LARP1B: variants seen among roughly 807,000 people sequenced by gnomAD.
LARP1B encodes the protein la-related protein 1B.
Under a neutral mutation model 114.2 loss-of-function variants are expected in LARP1B, and 76 were observed. That is an observed-to-expected ratio of 0.67 (90% CI 0.55 to 0.81). The LOEUF (loss-of-function observed/expected upper bound fraction) is 0.81. Among genes scored for constraint, LARP1B ranks in the 30% least tolerant of loss-of-function variants. The probability of loss-of-function intolerance (pLI) is 0.00; values close to 1 mark genes in which losing one functional copy is unlikely to be tolerated. For missense variants in LARP1B, 1,014 were observed against 1,075.8 expected, an observed-to-expected ratio of 0.94 and a Z score of 0.80; for synonymous variants, 345 against 348.0, an observed-to-expected ratio of 0.99 and a Z score of 0.10.
chr4:128,132,989 G>T (rs537822650), intron 11 of LARP1B, among the ~76,000 whole-genome samples: 3 of 151,990 alleles, frequency 2.0e-5, no homozygotes, highest in East Asian at 1.9e-4. Context: ...TAGATTCCTC[G>T]CATTTGCAGT....
At chr4:128,112,313 C>T (rs1029101737) in intron 9 of LARP1B, among the ~76,000 whole-genome samples, 1 of 151,630 alleles carries the variant, frequency 6.6e-6, no homozygotes, top group Non-Finnish European at 1.5e-5. Flanking sequence ...GTTATATGCT[C>T]AGTGTAAAAA....
intron 11 of LARP1B, among the ~76,000 whole-genome samples, chr4:128,135,360 G>A (rs1793036068): frequency 3.9e-5 from 6 of 152,040 alleles, no homozygotes; most frequent in Admixed American, 3.9e-4. Flanking sequence ...AATACAGGAT[G>A]GCAGTTTCTC....
chr4:128,121,231 T>G (rs1410760439), intron 10 of LARP1B, among the ~76,000 whole-genome samples: 1 of 152,256 alleles, frequency 6.6e-6, no homozygotes, highest in Non-Finnish European at 1.5e-5. Flanking sequence ...TTATTATCAT[T>G]GTGAGGTAAA....
At chr4:128,073,935 C>T (rs550779801) in intron 1 of LARP1B, among the ~76,000 whole-genome samples, 7 of 150,666 alleles carry the variant, frequency 4.6e-5, no homozygotes, top group African/African-American at 9.8e-5. Flanking sequence ...CAGTGTAATA[C>T]GCTGTGTTTT....
chr4:128,121,370 C>T (rs1363899700), intron 10 of LARP1B, among the ~76,000 whole-genome samples: 5 of 152,034 alleles, frequency 3.3e-5, no homozygotes, highest in African/African-American at 4.8e-5. Context: ...CAGGCTCTAG[C>T]GCAATGGCGC....
At chr4:128,158,782 A>G (rs1736998701) in intron 11 of LARP1B, among the ~76,000 whole-genome samples, 1 of 152,220 alleles carries the variant, frequency 6.6e-6, no homozygotes, top group Non-Finnish European at 1.5e-5. Context: ...ATAGATTCAC[A>G]GGAAGTTGCA....
intron 5 of LARP1B, 136 bp downstream of exon 5, chr4:128,082,441 G>A: frequency 8.2e-5 from 54 of 660,980 alleles, no homozygotes; most frequent in South Asian, 2.2e-4. Flanking sequence ...ATACCTTCAG[G>A]GTATATTTCA....
In LARP1B at chr4:128,082,215, A is replaced by G; in HGVS notation, c.268A>G (p.Ser90Gly). 4 of 1,612,924 alleles carry G rather than the reference A, an allele frequency of 2.5e-6. No homozygotes were observed. In the African/African-American group the frequency reaches 5.3e-5, roughly 21 times the overall value. Residue 90 changes from serine (S) to glycine (G), a missense_variant, in exon 5 of 20, where the codon AGT becomes GGT. Physicochemically the swap from Ser to Gly is moderately conservative, Grantham distance 56. Transcript: ENST00000326639. ...CCACTTAGATGTTGTAAGATCAGAG[A>G]GTCAAGAAAGACCTGGATCCCGGAA... ...PLHLDVVRSESQERPGSRNSS... is the reference protein window; with the variant it reads ...PLHLDVVRSEGQERPGSRNSS...
intron 15 of LARP1B, among the ~76,000 whole-genome samples, chr4:128,180,241 C>G (rs1747890280): frequency 6.6e-6 from 1 of 152,046 alleles, no homozygotes; most frequent in African/African-American, 2.4e-5. Context: ...CATGAGCCAC[C>G]TCACCCAGCC....
intron 11 of LARP1B, among the ~76,000 whole-genome samples, chr4:128,135,827 A>C (rs1793185067): frequency 6.6e-6 from 1 of 152,168 alleles, no homozygotes; most frequent in Admixed American, 6.5e-5. Flanking sequence ...TTGCTAGATG[A>C]AAGTTTTGGA....
intron 8 of LARP1B, 51 bp downstream of exon 8, chr4:128,098,381 G>T: frequency 6.6e-7 from 1 of 1,518,700 alleles, no homozygotes; most frequent in Non-Finnish European, 9.0e-7. Context: ...AATTTCCTTT[G>T]TACCTAAAAC....
At chr4:128,125,037 G>T (rs904803162) in intron 11 of LARP1B, among the ~76,000 whole-genome samples, 5 of 152,066 alleles carry the variant, frequency 3.3e-5, no homozygotes, top group Admixed American at 1.3e-4. Flanking sequence ...TCTGTTTTTG[G>T]CATATATTTA....
chr4:128,062,172 C>A (rs1760398329), intron 1 of LARP1B: 1 of 985,294 alleles, frequency 1.0e-6, no homozygotes, highest in African/African-American at 1.7e-5. Context: ...CACCTGTCCC[C>A]AGACACGACA....
At chr4:128,061,746 C>G (rs1760190284) in intron 1 of LARP1B, 9 of 984,960 alleles carry the variant, frequency 9.1e-6, no homozygotes, top group Non-Finnish European at 1.1e-5. Flanking sequence ...GATCCGCCCG[C>G]GGTGACTGCT....
intron 9 of LARP1B, chr4:128,108,544 C>CA: frequency 1.0e-6 from 1 of 985,642 alleles, no homozygotes; most frequent in Non-Finnish European, 1.2e-6. Context: ...TGGACAGTCT[C>CA]ACACTATTTT....
chr4:128,138,653 A>G (rs1223388586), intron 11 of LARP1B, among the ~76,000 whole-genome samples: 1 of 152,116 alleles, frequency 6.6e-6, no homozygotes, highest in African/African-American at 2.4e-5. Flanking sequence ...GTCAGGCATT[A>G]CCTAGGTATA....
At chr4:128,117,250 G>C (rs1277989389) in intron 10 of LARP1B, among the ~76,000 whole-genome samples, 1 of 150,872 alleles carries the variant, frequency 6.6e-6, no homozygotes, top group Non-Finnish European at 1.5e-5. Flanking sequence ...TGTTGCCCAG[G>C]CTGCAGTGGA....
Position 128,136,215 on chromosome 4 carries a change from C to T in LARP1B, c.1524+14027C>T, listed in dbSNP as rs552805900. On this transcript the variant is annotated intron_variant, in intron 11 of 19. Transcript: ENST00000326639. Reference sequence around the variant, plus strand: ...GGCTGAGGTAGGAGAATTGCTTGAGCCCAGGAAGTGGAGGTGGCAGTGAGC... The same window carrying T: ...GGCTGAGGTAGGAGAATTGCTTGAGTCCAGGAAGTGGAGGTGGCAGTGAGC... 1.1e-4 allele frequency among the ~76,000 whole-genome samples: 16 copies of T among 151,888 alleles called. No individual in the cohort carries two copies. The South Asian group carries it at 3.3e-3, about 32-fold the overall frequency.
intron 11 of LARP1B, among the ~76,000 whole-genome samples, chr4:128,144,814 A>G (rs963760340): frequency 1.3e-5 from 2 of 151,986 alleles, no homozygotes; most frequent in Non-Finnish European, 2.9e-5. Flanking sequence ...GCGATTTCCT[A>G]TCTATTCACT....
Sources: allele counts gnomAD v4.1 joint callset (sites outside exome capture counted in the v4.1 genomes callset), GRCh38; gene constraint gnomAD v4.1.1; transcripts MANE v1.5; gene names NCBI Gene and HGNC (gene_info 2026-07-23, HGNC 2026-07-21).